MYO5B: variants seen among roughly 807,000 people sequenced by gnomAD.
The protein encoded by MYO5B is myosin VB, also known as unconventional myosin-Vb.
A neutral mutation model predicts 229.3 loss-of-function variants in MYO5B; 143 were observed. The observed-to-expected ratio is 0.62, with a 90% confidence interval of 0.54 to 0.72. The LOEUF (loss-of-function observed/expected upper bound fraction) is 0.72, where lower values mean the gene tolerates loss of function less well. MYO5B is among the 30% of genes least tolerant of loss of function. The probability of loss-of-function intolerance (pLI) is 0.00; values close to 1 mark genes in which losing one functional copy is unlikely to be tolerated. For synonymous variants in MYO5B, 918 were observed against 885.2 expected (o/e 1.04, Z -0.66); for missense variants, 2,321 against 2,331.0 (o/e 1.00, Z 0.09).
intron 1 of MYO5B, among the ~76,000 whole-genome samples, chr18:50,149,412 T>C (rs1256135264): frequency 1.3e-5 from 2 of 152,028 alleles, no homozygotes; most frequent in African/African-American, 4.8e-5. Flanking sequence ...GCTGGAGGCA[T>C]CATGCTACCT....
At chr18:50,019,431 C>A (rs1008644906) in intron 4 of MYO5B, among the ~76,000 whole-genome samples, 11 of 152,216 alleles carry the variant, frequency 7.2e-5, no homozygotes, top group African/African-American at 2.7e-4. Context: ...ATTCTACAAA[C>A]ACAATCCTCT....
rs1388683182 is a variant in MYO5B at position 50,168,666 on chromosome 18, C to T, written c.27+26101G>A. Among the ~76,000 whole-genome samples, 4 of 63,676 alleles carry T rather than the reference C, an allele frequency of 6.3e-5. 1 individual carries two copies. Among genetic ancestry groups the T allele is most frequent in the Admixed American group, 1.8e-4 (1 of 5,550 alleles). The allele number at this position is 63,676 out of a possible 152,430, so 41.8% of individuals were successfully genotyped here. On this transcript the variant is annotated intron_variant, in intron 1 of 39. Transcript: ENST00000285039. ...AACCCTGTGTGAATCTCAGACACCACGACCCCTAACCAGGTCTTGGTCAAT... is the reference window on the plus strand; with the variant it reads ...AACCCTGTGTGAATCTCAGACACCATGACCCCTAACCAGGTCTTGGTCAAT...
chr18:49,836,946 G>C (rs925130495), intron 37 of MYO5B, 61 bp from the exon 38 acceptor site: 4 of 1,538,632 alleles, frequency 2.6e-6, no homozygotes, highest in Non-Finnish European at 2.7e-6. Context: ...CTGAGAAGGG[G>C]ACACCTGTTG....
At chr18:49,876,314 A>G (rs933557451) in intron 25 of MYO5B, 23 of 261,342 alleles carry the variant, frequency 8.8e-5, no homozygotes, top group African/African-American at 5.0e-4. Context: ...CCCGGAACCT[A>G]TTTATCCAAC....
chr18:49,887,908 G>C (rs992841405), intron 22 of MYO5B, among the ~76,000 whole-genome samples: 3 of 151,950 alleles, frequency 2.0e-5, no homozygotes, highest in African/African-American at 7.3e-5. Flanking sequence ...AGCTAGTCTG[G>C]AACTCCTGAC....
chr18:50,001,465 G>A lies in MYO5B; in HGVS notation c.456-54C>T, dbSNP rs542155374. 2,008 of 1,599,160 alleles carry A rather than the reference G, an allele frequency of 1.3e-3. 6 individuals carry two copies. Among genetic ancestry groups the A allele is most frequent in the South Asian group, 3.1e-3 (281 of 90,720 alleles). The stretch of plus-strand genomic sequence containing the variant: ...TTGGCCATGGAAAGGCTCTGCTACC[G>A]TCCAGGGACTCTGTCTGACAAGGGC... On this transcript the variant is annotated intron_variant, in intron 4 of 39. Coordinates refer to ENST00000285039, the MANE Select transcript of MYO5B (RefSeq NM_001080467.3).
chr18:49,952,911 C>T (rs1040098617), intron 14 of MYO5B, among the ~76,000 whole-genome samples: 1 of 151,848 alleles, frequency 6.6e-6, no homozygotes, highest in Non-Finnish European at 1.5e-5. Flanking sequence ...ATGATGGACA[C>T]CAGCCACATT....
At position 50,150,687 on chromosome 18, in the gene MYO5B, A is replaced by G. The variant is rs140352963; in HGVS notation, c.27+44080T>C. ...ATCACACTCTGGGGACTGTTGTGGG[A>G]TTGGGGGAGTGGGGAGGGATAGCAT... is the stretch of plus-strand genomic sequence containing the variant. On this transcript the variant is annotated intron_variant, in intron 1 of 39. Transcript: ENST00000285039. 3.9e-3 allele frequency among the ~76,000 whole-genome samples: 595 copies of G among 152,218 alleles called. 5 individuals carry two copies. The highest frequency in any genetic ancestry group is 4.0e-3 in the Non-Finnish European group (275 of 68,026).
chr18:50,094,268 A>G (rs1295682776), intron 1 of MYO5B, among the ~76,000 whole-genome samples: 3 of 152,234 alleles, frequency 2.0e-5, no homozygotes, highest in Non-Finnish European at 4.4e-5. Context: ...CCTTGTGTTT[A>G]AAAAACAATC....
intron 1 of MYO5B, among the ~76,000 whole-genome samples, chr18:50,178,541 T>C (rs927959677): frequency 6.6e-6 from 1 of 152,236 alleles, no homozygotes; most frequent in African/African-American, 2.4e-5. Context: ...GGCAAGATTT[T>C]AAATTCCAGT....
intron 1 of MYO5B, among the ~76,000 whole-genome samples, chr18:50,101,152 A>G (rs1338610132): frequency 6.6e-6 from 1 of 152,236 alleles, no homozygotes; most frequent in African/African-American, 2.4e-5. Context: ...AAATCCCCCA[A>G]AATGGTAACT....
At chr18:50,035,721 A>G (rs1185772735) in intron 4 of MYO5B, among the ~76,000 whole-genome samples, 1 of 152,258 alleles carries the variant, frequency 6.6e-6, no homozygotes, top group Non-Finnish European at 1.5e-5. Flanking sequence ...TTTTGGCATT[A>G]GAGAAAAGTG....
At chr18:50,052,561 G>T (rs1193344440) in intron 2 of MYO5B, among the ~76,000 whole-genome samples, 3 of 85,048 alleles carry the variant, frequency 3.5e-5, no homozygotes, top group Non-Finnish European at 7.2e-5. Context: ...GTTGTGGGGT[G>T]GGGGGAGGGG....
At chr18:49,891,901 G>A (rs2024719269) in intron 22 of MYO5B, among the ~76,000 whole-genome samples, 1 of 152,200 alleles carries the variant, frequency 6.6e-6, no homozygotes, top group African/African-American at 2.4e-5. Context: ...CAGTGCCTGG[G>A]GGCCTGCTAG....
intron 14 of MYO5B, among the ~76,000 whole-genome samples, chr18:49,948,612 A>T (rs2025400287): frequency 6.6e-6 from 1 of 152,226 alleles, no homozygotes; most frequent in Admixed American, 6.5e-5. Flanking sequence ...TTCAGAAAAT[A>T]AGTTAAAAAA....
At chr18:50,022,225 C>A (rs933787360) in intron 4 of MYO5B, among the ~76,000 whole-genome samples, 9 of 152,116 alleles carry the variant, frequency 5.9e-5, no homozygotes, top group African/African-American at 1.9e-4. Flanking sequence ...AAGTTCACAT[C>A]ATGTTTGCCA....
chr18:50,024,748 G>A (rs927061882), intron 4 of MYO5B, among the ~76,000 whole-genome samples: 2 of 152,178 alleles, frequency 1.3e-5, no homozygotes, highest in African/African-American at 4.8e-5. Flanking sequence ...TGCACTGCCT[G>A]CAGACCTTTC....
intron 14 of MYO5B, among the ~76,000 whole-genome samples, chr18:49,938,953 C>G (rs1029158094): frequency 7.2e-6 from 1 of 139,642 alleles, no homozygotes; most frequent in Non-Finnish European, 1.6e-5. Context: ...CTCACCCCCT[C>G]AAGGTCTGTG....
chr18:50,128,443 A>G (rs1568117787), intron 1 of MYO5B, among the ~76,000 whole-genome samples: 1 of 152,180 alleles, frequency 6.6e-6, no homozygotes, highest in African/African-American at 2.4e-5. Context: ...ACACAAAAGC[A>G]GAGTTTAGGA....
Sources: gnomAD v4.1 joint callset for allele counts (sites outside exome capture counted in the v4.1 genomes callset) on GRCh38, gnomAD v4.1.1 for gene constraint, MANE v1.5 for transcripts, NCBI Gene and HGNC (gene_info 2026-07-23, HGNC 2026-07-21) for gene names.